The following GABBR2 variants were observed in gnomAD, a reference collection of about 807,000 sequenced individuals.
GABBR2 encodes G-protein coupled receptor 51.
In GABBR2, 23 loss-of-function variants were observed where a neutral mutation model predicts 105.6. That is an observed-to-expected ratio of 0.22 (90% CI 0.16 to 0.31). The LOEUF (loss-of-function observed/expected upper bound fraction) is 0.31. Among genes scored for constraint, GABBR2 ranks in the 10% least tolerant of loss-of-function variants. The probability of loss-of-function intolerance (pLI) is 1.00; values close to 1 mark genes in which losing one functional copy is unlikely to be tolerated. For synonymous variants in GABBR2, 478 were observed against 499.7 expected (o/e 0.96, Z 0.58); for missense variants, 734 against 1,245.5 (o/e 0.59, Z 6.18).
At chr9:98,354,574 A>G (rs1831454209) in intron 13 of GABBR2, among the ~76,000 whole-genome samples, 1 of 152,170 alleles carries the variant, frequency 6.6e-6, no homozygotes, top group African/African-American at 2.4e-5. Context: ...TTGCACTTTT[A>G]TGTTATAGAG....
At chr9:98,490,760 A>T (rs1000990104) in intron 4 of GABBR2, among the ~76,000 whole-genome samples, 1 of 151,974 alleles carries the variant, frequency 6.6e-6, no homozygotes, top group Admixed American at 6.6e-5. Flanking sequence ...GACACCTGGA[A>T]CTCTCCCTAT....
intron 4 of GABBR2, among the ~76,000 whole-genome samples, chr9:98,481,686 C>T (rs752944569): frequency 6.6e-5 from 10 of 152,184 alleles, no homozygotes; most frequent in Non-Finnish European, 1.2e-4. Flanking sequence ...AATGGTAGTA[C>T]GTTCCTTACC....
intron 13 of GABBR2, among the ~76,000 whole-genome samples, chr9:98,327,073 T>C (rs1163625378): frequency 1.3e-5 from 2 of 152,256 alleles, no homozygotes; most frequent in African/African-American, 4.8e-5. Flanking sequence ...CTTTTGAAGA[T>C]GGAAGACTGT....
At chr9:98,332,051 T>C (rs760968772) in intron 13 of GABBR2, among the ~76,000 whole-genome samples, 6 of 152,292 alleles carry the variant, frequency 3.9e-5, no homozygotes, top group Non-Finnish European at 8.8e-5. Context: ...ATCAGCTCAT[T>C]TGACAGTCAG....
At chr9:98,352,444 G>T (rs1403585804) in intron 13 of GABBR2, among the ~76,000 whole-genome samples, 1 of 152,124 alleles carries the variant, frequency 6.6e-6, no homozygotes, top group African/African-American at 2.4e-5. Flanking sequence ...GGCTGGGAAG[G>T]CCAGCCCTAG....
intron 7 of GABBR2, among the ~76,000 whole-genome samples, chr9:98,444,670 G>A (rs1189181362): frequency 1.4e-5 from 2 of 138,170 alleles, no homozygotes; most frequent in African/African-American, 5.0e-5. Flanking sequence ...ATTACCTCTC[G>A]AAAATGTTTC....
chr9:98,422,010 G>A (rs1184879959), intron 7 of GABBR2, among the ~76,000 whole-genome samples: 3 of 152,042 alleles, frequency 2.0e-5, no homozygotes, highest in African/African-American at 7.2e-5. Context: ...CTAGACAAAG[G>A]ACATCCTGGA....
At chr9:98,292,095 G>A (rs777542713) in intron 18 of GABBR2, among the ~76,000 whole-genome samples, 1 of 152,180 alleles carries the variant, frequency 6.6e-6, no homozygotes, top group South Asian at 2.1e-4. Context: ...TCCTCTGCTC[G>A]GCTCAGCTGC....
Position 98,556,767 on chromosome 9 carries a change from C to T in GABBR2, c.460-14724G>A, listed in dbSNP as rs1470276830. Among the ~76,000 whole-genome samples the T allele has an allele frequency of 2.0e-5, 3 of 152,154 alleles. No individual in the cohort carries two copies. In the South Asian group the frequency reaches 6.2e-4, roughly 32 times the overall value. On this transcript the variant is annotated intron_variant, in intron 2 of 18. Coordinates refer to ENST00000259455, the MANE Select transcript of GABBR2 (RefSeq NM_005458.8). ...GGCTCTGTTAAAGATAAACTGAGAC[C>T]GGGTGCGGTGGCTGACGCCTGAATC...
In GABBR2 at chr9:98,297,409, G is replaced by C. The variant is rs183304735; in HGVS notation, c.2542+1815C>G. On this transcript the variant is annotated intron_variant, in intron 17 of 18. Transcript: ENST00000259455. ...GTGGATCACCTGAGGTCAGGAGTTCGAGACCAGCCTGGCCAACATGGTGAA... is the reference window on the plus strand; with the variant it reads ...GTGGATCACCTGAGGTCAGGAGTTCCAGACCAGCCTGGCCAACATGGTGAA... Among the ~76,000 whole-genome samples, 66 of 150,478 alleles carry C rather than the reference G, an allele frequency of 4.4e-4. 1 individual carries two copies. The East Asian group carries it at 0.012, about 28-fold the overall frequency.
chr9:98,465,121 TAAAAAAAAAA>T (rs57747633), intron 6 of GABBR2, among the ~76,000 whole-genome samples: 1 of 21,978 alleles, frequency 4.6e-5, no homozygotes, highest in African/African-American at 2.1e-4. Flanking sequence ...CAATAAATAC[TAAAAAAAAAA>T]AAAAAAAAAA....
chr9:98,529,159 A>G (rs1828017855), intron 3 of GABBR2, among the ~76,000 whole-genome samples: 1 of 146,024 alleles, frequency 6.8e-6, no homozygotes, highest in Non-Finnish European at 1.5e-5. Flanking sequence ...AAAAATGTTA[A>G]GAAAAAAAAA....
intron 4 of GABBR2, among the ~76,000 whole-genome samples, chr9:98,489,377 G>T (rs535612156): frequency 6.6e-6 from 1 of 152,184 alleles, no homozygotes; most frequent in Admixed American, 6.5e-5. Context: ...CAGCGCTGAC[G>T]CAGGCAAGCA....
At chr9:98,457,926 T>G (rs1188662544) in intron 6 of GABBR2, among the ~76,000 whole-genome samples, 2 of 152,180 alleles carry the variant, frequency 1.3e-5, no homozygotes, top group Non-Finnish European at 2.9e-5. Context: ...TTAATTACCA[T>G]CCTCCGAGGT....
At chr9:98,510,375 T>C (rs1827613802) in intron 3 of GABBR2, among the ~76,000 whole-genome samples, 1 of 152,140 alleles carries the variant, frequency 6.6e-6, no homozygotes, top group Non-Finnish European at 1.5e-5. Context: ...ACGAGCAAAA[T>C]AAACAACTAA....
chr9:98,459,467 C>T (rs969339802), intron 6 of GABBR2, among the ~76,000 whole-genome samples: 9 of 152,160 alleles, frequency 5.9e-5, no homozygotes, highest in African/African-American at 2.2e-4. Flanking sequence ...TCAGAGTTTT[C>T]AGCAGTCCCT....
chr9:98,539,913 T>TA (rs746934812), intron 3 of GABBR2, among the ~76,000 whole-genome samples: 1,036 of 103,584 alleles, frequency 0.01, 7 homozygotes, highest in East Asian at 0.031. Flanking sequence ...AGACTTCGTC[T>TA]AAAAAAAAAA....
chr9:98,302,577 C>T (rs966210096), intron 16 of GABBR2, among the ~76,000 whole-genome samples: 1 of 152,198 alleles, frequency 6.6e-6, no homozygotes, highest in South Asian at 2.1e-4. Flanking sequence ...TTCCTGTCCC[C>T]CTCCCTAATC....
intron 3 of GABBR2, among the ~76,000 whole-genome samples, chr9:98,504,996 G>C (rs1827476694): frequency 6.6e-6 from 1 of 152,236 alleles, no homozygotes; most frequent in African/African-American, 2.4e-5. Context: ...CATGTAGAGG[G>C]GGGGCACCAG....
Sources: gnomAD v4.1 joint callset for allele counts (sites outside exome capture counted in the v4.1 genomes callset) on GRCh38, gnomAD v4.1.1 for gene constraint, MANE v1.5 for transcripts, NCBI Gene and HGNC (gene_info 2026-07-23, HGNC 2026-07-21) for gene names.